Variants in B3GALT1 observed in about 807,000 individuals in gnomAD.
B3GALT1 encodes beta-1,3-galactosyltransferase 1, also known as UDP-Gal:betaGlcNAc beta 1,3-galactosyltransferase, polypeptide 1.
A neutral mutation model predicts 23.2 loss-of-function variants in B3GALT1; 10 were observed. The ratio of observed to expected loss-of-function variants is 0.43; its 90% CI spans 0.27 to 0.73. B3GALT1 has a LOEUF of 0.73. Ranked by LOEUF, B3GALT1 falls within the 30% of genes least tolerant of loss-of-function variation. The pLI, the probability that B3GALT1 is intolerant of heterozygous loss-of-function variation, is 0.21. For synonymous variants in B3GALT1, 156 were observed against 141.5 expected, an observed-to-expected ratio of 1.10 and a Z score of -0.73; for missense variants, 299 against 405.4, an observed-to-expected ratio of 0.74 and a Z score of 2.25.
chr2:167,733,333 G>A (rs1202984031), intron 3 of B3GALT1, among the ~76,000 whole-genome samples: 4 of 152,036 alleles, frequency 2.6e-5, no homozygotes, highest in Non-Finnish European at 2.9e-5. Flanking sequence ...CCCATGGCCC[G>A]CAGGCCTCAT....
chr2:167,301,817 G>C (rs138244554), intron 1 of B3GALT1, among the ~76,000 whole-genome samples: 132 of 152,286 alleles, frequency 8.7e-4, no homozygotes, highest in African/African-American at 3.1e-3. Flanking sequence ...CCAAAGTGTT[G>C]GGATTACAGG....
intron 1 of B3GALT1, among the ~76,000 whole-genome samples, chr2:167,404,996 A>T (rs921477764): frequency 1.3e-5 from 2 of 152,166 alleles, no homozygotes; most frequent in African/African-American, 4.8e-5. Context: ...CAATAAGCCA[A>T]TGTTTTAATT....
chr2:167,810,085 C>T lies in B3GALT1; in HGVS notation c.-351-8587C>T, dbSNP rs142175360. 9.6e-3 allele frequency among the ~76,000 whole-genome samples: 1,451 copies of T among 151,048 alleles called. 116 individuals are homozygous for T. Among genetic ancestry groups the T allele is most frequent in the African/African-American group, 0.033 (1,335 of 40,540 alleles). On this transcript the variant is annotated intron_variant, in intron 3 of 4. Coordinates refer to ENST00000392690, the MANE Select transcript of B3GALT1 (RefSeq NM_020981.4). ...TGTGGGCGTAGGACCCCCTGAGCCA[C>T]GCGTGGGATATAATCTCCTGGTGTG...
chr2:167,822,121 T>C (rs1689119862), intron 4 of B3GALT1, among the ~76,000 whole-genome samples: 1 of 152,156 alleles, frequency 6.6e-6, no homozygotes, highest in Admixed American at 6.5e-5. Context: ...AACCCTGCTT[T>C]TTCCTCTTTA....
intron 2 of B3GALT1, among the ~76,000 whole-genome samples, chr2:167,502,778 G>A (rs533666248): frequency 1.4e-4 from 22 of 152,264 alleles, no homozygotes; most frequent in African/African-American, 4.6e-4. Flanking sequence ...TGTGGCTCAC[G>A]CCTGTAATCC....
chr2:167,564,311 C>T lies in B3GALT1; in HGVS notation c.-410+74034C>T, dbSNP rs374347947. 3.9e-3 allele frequency among the ~76,000 whole-genome samples: 591 copies of T among 150,156 alleles called. 4 individuals are homozygous for T. Among genetic ancestry groups the T allele is most frequent in the African/African-American group, 0.014 (557 of 40,740 alleles). ...CCCCCCTCCCAGATGTGATGGCGGC[C>T]GGGAAGAGGCGCTCCCCACCTCCTA... On this transcript the variant is annotated intron_variant, in intron 2 of 4. Transcript: ENST00000392690.
intron 4 of B3GALT1, among the ~76,000 whole-genome samples, chr2:167,825,283 C>CAAAAAAAAAAAAAAAAA (rs71963760): frequency 7.2e-4 from 59 of 82,200 alleles, no homozygotes; most frequent in African/African-American, 2.9e-3. Flanking sequence ...GACTCCGTCT[C>CAAAAAAAAAAAAAAAAA]AAAAAAAAAA....
At chr2:167,861,445 G>T (rs1690097166) in intron 4 of B3GALT1, among the ~76,000 whole-genome samples, 1 of 152,106 alleles carries the variant, frequency 6.6e-6, no homozygotes, top group African/African-American at 2.4e-5. Flanking sequence ...TGGGCAGAAT[G>T]GCCACAGCTG....
chr2:167,610,887 A>T, intron 2 of B3GALT1, among the ~76,000 whole-genome samples: 1 of 127,696 alleles, frequency 7.8e-6, no homozygotes, highest in Non-Finnish European at 1.6e-5. Flanking sequence ...AATTCAGGAA[A>T]TTCTCTTCCT....
intron 2 of B3GALT1, among the ~76,000 whole-genome samples, chr2:167,573,862 A>G (rs371915760): frequency 2.6e-5 from 4 of 151,806 alleles, no homozygotes; most frequent in South Asian, 4.1e-4. Context: ...GTGCAATTCA[A>G]GAGATGAAGC....
intron 4 of B3GALT1, among the ~76,000 whole-genome samples, chr2:167,863,244 T>G (rs1044150582): frequency 3.3e-5 from 5 of 152,132 alleles, no homozygotes; most frequent in African/African-American, 1.2e-4. Flanking sequence ...CAGAAAAACC[T>G]GTACTCACGA....
chr2:167,654,453 A>G (rs967981787), intron 3 of B3GALT1, among the ~76,000 whole-genome samples: 4 of 152,114 alleles, frequency 2.6e-5, no homozygotes, highest in East Asian at 1.9e-4. Flanking sequence ...AGTCTGCGTC[A>G]GAATGTTCTC....
intron 1 of B3GALT1, among the ~76,000 whole-genome samples, chr2:167,466,205 C>T (rs1699342065): frequency 6.6e-6 from 1 of 151,986 alleles, no homozygotes; most frequent in African/African-American, 2.4e-5. Flanking sequence ...TTTGTTTTAT[C>T]CTGAAAAGAC....
At chr2:167,662,828 G>A (rs955043780) in intron 3 of B3GALT1, among the ~76,000 whole-genome samples, 12 of 151,916 alleles carry the variant, frequency 7.9e-5, no homozygotes, top group African/African-American at 2.7e-4. Flanking sequence ...TACCAATTTT[G>A]TCTCAGGAAT....
intron 2 of B3GALT1, among the ~76,000 whole-genome samples, chr2:167,584,355 A>G (rs1684548243): frequency 6.6e-6 from 1 of 152,146 alleles, no homozygotes; most frequent in African/African-American, 2.4e-5. Context: ...TTCTATGGGG[A>G]AAAAACTCAG....
chr2:167,837,960 G>C (rs1426210209), intron 4 of B3GALT1, among the ~76,000 whole-genome samples: 1 of 152,128 alleles, frequency 6.6e-6, no homozygotes, highest in African/African-American at 2.4e-5. Context: ...CAGACATAAA[G>C]ATGTTCTTTG....
At chr2:167,725,102 G>A (rs950071148) in intron 3 of B3GALT1, among the ~76,000 whole-genome samples, 3 of 152,164 alleles carry the variant, frequency 2.0e-5, no homozygotes, top group African/African-American at 7.2e-5. Context: ...TCCAGCAGGG[G>A]CATTTTAGCC....
chr2:167,848,331 C>T (rs1191138903), intron 4 of B3GALT1, among the ~76,000 whole-genome samples: 1 of 152,072 alleles, frequency 6.6e-6, no homozygotes, highest in African/African-American at 2.4e-5. Flanking sequence ...AACATAGATT[C>T]TAAAATCCTT....
intron 2 of B3GALT1, among the ~76,000 whole-genome samples, chr2:167,534,323 C>A (rs1408137323): frequency 6.6e-6 from 1 of 151,872 alleles, no homozygotes; most frequent in Non-Finnish European, 1.5e-5. Context: ...TATCTTTTTT[C>A]TCTTCTTTTG....
Sources: allele counts gnomAD v4.1 joint callset (sites outside exome capture counted in the v4.1 genomes callset), GRCh38; gene constraint gnomAD v4.1.1; transcripts MANE v1.5; gene names NCBI Gene and HGNC (gene_info 2026-07-23, HGNC 2026-07-21).